Variants in PDLIM5 observed in about 807,000 individuals in gnomAD.
PDLIM5 encodes PDZ and LIM domain protein 5.
A neutral mutation model predicts 64.2 loss-of-function variants in PDLIM5; 34 were observed. That is an observed-to-expected ratio of 0.53 (90% CI 0.40 to 0.71). PDLIM5 has a LOEUF of 0.71. PDLIM5 is among the 30% of genes least tolerant of loss of function. The pLI is 0.00. For synonymous variants in PDLIM5, 253 were observed against 269.1 expected, an observed-to-expected ratio of 0.94 and a Z score of 0.59; for missense variants, 683 against 733.6, an observed-to-expected ratio of 0.93 and a Z score of 0.80.
Position 94,558,795 on chromosome 4 carries a change from C to G in PDLIM5, c.249-14556C>G, listed in dbSNP as rs1485231364. ...CTATTCCATTTTTCTGTAAAATGAA[C>G]TGTCATGATCTCTTTTGTGTGTGTG... On this transcript the variant is annotated intron_variant, in intron 3 of 12. Coordinates refer to ENST00000317968, the MANE Select transcript of PDLIM5 (RefSeq NM_006457.5). 2.0e-5 allele frequency among the ~76,000 whole-genome samples: 3 copies of G among 151,306 alleles called. 1 individual carries two copies. Among genetic ancestry groups the G allele is most frequent in the African/African-American group, 7.3e-5 (3 of 41,136 alleles).
chr4:94,468,974 A>G (rs1247592707), intron 2 of PDLIM5, among the ~76,000 whole-genome samples: 1 of 152,226 alleles, frequency 6.6e-6, no homozygotes, highest in East Asian at 1.9e-4. Context: ...ATAGGAGAGG[A>G]CATAAATGTC....
chr4:94,573,088 T>G lies in PDLIM5; in HGVS notation c.249-263T>G, dbSNP rs113889486. On this transcript the variant is annotated intron_variant, in intron 3 of 12. Coordinates refer to ENST00000317968, the MANE Select transcript of PDLIM5 (RefSeq NM_006457.5). ...GGTGCACTCACAAACAGGATTGATG[T>G]TTGTCATTCCTCAGCTGAATTTGTA... Among the ~76,000 whole-genome samples the G allele has an allele frequency of 3.6e-3, 545 of 152,308 alleles. 5 individuals are homozygous for G. Among genetic ancestry groups the G allele is most frequent in the African/African-American group, 0.012 (503 of 41,564 alleles).
At chr4:94,547,037 T>A (rs1020871411) in intron 3 of PDLIM5, among the ~76,000 whole-genome samples, 1 of 152,176 alleles carries the variant, frequency 6.6e-6, no homozygotes, top group African/African-American at 2.4e-5. Context: ...CAGAACATGG[T>A]TAATTCTGAA....
chr4:94,602,717 A>G (rs1167363420), intron 7 of PDLIM5, among the ~76,000 whole-genome samples: 1 of 151,978 alleles, frequency 6.6e-6, no homozygotes, highest in East Asian at 1.9e-4. Flanking sequence ...TGGCCTCCCA[A>G]AGTGCTGGGA....
chr4:94,459,798 G>A (rs998708168), intron 2 of PDLIM5, among the ~76,000 whole-genome samples: 4 of 152,210 alleles, frequency 2.6e-5, no homozygotes, highest in African/African-American at 4.8e-5. Flanking sequence ...GATCCTCAAA[G>A]GATGAAATTT....
At chr4:94,574,927 C>T (rs1443527070) in intron 4 of PDLIM5, among the ~76,000 whole-genome samples, 1 of 150,554 alleles carries the variant, frequency 6.6e-6, no homozygotes, top group Non-Finnish European at 1.5e-5. Context: ...TATCTTAAAA[C>T]ATTCAGAGAG....
chr4:94,573,015 T>C (rs370969790), intron 3 of PDLIM5, among the ~76,000 whole-genome samples: 5 of 152,290 alleles, frequency 3.3e-5, no homozygotes, highest in African/African-American at 9.6e-5. Flanking sequence ...GTCATGTTTA[T>C]TATACTTTAC....
intron 9 of PDLIM5, among the ~76,000 whole-genome samples, chr4:94,650,826 C>A (rs538124576): frequency 2.6e-5 from 4 of 151,908 alleles, no homozygotes; most frequent in East Asian, 1.9e-4. Context: ...ACATGCCCCG[C>A]CTTTTTGGAT....
chr4:94,547,752 C>A (rs1253801917), intron 3 of PDLIM5, among the ~76,000 whole-genome samples: 1 of 152,186 alleles, frequency 6.6e-6, no homozygotes, highest in Non-Finnish European at 1.5e-5. Context: ...TTTATTACCA[C>A]CTGTTTGCCA....
chr4:94,500,554 A>T (rs987352075), intron 2 of PDLIM5, among the ~76,000 whole-genome samples: 2 of 152,198 alleles, frequency 1.3e-5, no homozygotes, highest in Non-Finnish European at 2.9e-5. Context: ...GAAAAGGGGC[A>T]GAAAAGGTGT....
intron 2 of PDLIM5, among the ~76,000 whole-genome samples, chr4:94,515,067 A>T (rs1729243293): frequency 6.6e-6 from 1 of 152,176 alleles, no homozygotes; most frequent in African/African-American, 2.4e-5. Context: ...AATACCTTTG[A>T]TTTGCAGTGT....
At chr4:94,549,365 T>C (rs1210325329) in intron 3 of PDLIM5, among the ~76,000 whole-genome samples, 2 of 152,186 alleles carry the variant, frequency 1.3e-5, no homozygotes, top group African/African-American at 2.4e-5. Flanking sequence ...AGGCCTTCGA[T>C]AGGACGTCTG....
chr4:94,485,849 C>CAAAAAAAAAA (rs10637280), intron 2 of PDLIM5, among the ~76,000 whole-genome samples: 1 of 100,246 alleles, frequency 1.0e-5, no homozygotes, highest in African/African-American at 3.8e-5. Flanking sequence ...GACTCCGTCT[C>CAAAAAAAAAA]AAAAAAAAAA....
intron 2 of PDLIM5, among the ~76,000 whole-genome samples, chr4:94,489,266 G>T (rs547054531): frequency 6.6e-6 from 1 of 152,156 alleles, no homozygotes; most frequent in African/African-American, 2.4e-5. Flanking sequence ...GGAATACTTT[G>T]TCCCTGGTTC....
intron 2 of PDLIM5, among the ~76,000 whole-genome samples, chr4:94,470,132 A>C (rs1724732058): frequency 6.6e-6 from 1 of 151,650 alleles, no homozygotes; most frequent in African/African-American, 2.4e-5. Flanking sequence ...ACACCCGGCT[A>C]ATTTTTTGTA....
At chr4:94,574,250 C>G (rs1287713454) in intron 4 of PDLIM5, among the ~76,000 whole-genome samples, 2 of 152,246 alleles carry the variant, frequency 1.3e-5, no homozygotes, top group East Asian at 3.9e-4. Flanking sequence ...GTAATCCCAT[C>G]TTTTTGGGAG....
chr4:94,654,109 A>G (rs914784768), intron 9 of PDLIM5, among the ~76,000 whole-genome samples: 19 of 152,092 alleles, frequency 1.2e-4, no homozygotes, highest in African/African-American at 4.1e-4. Context: ...TGGTTGCCTC[A>G]TGTTCTGTCA....
At chr4:94,621,286 T>C (rs1560746579) in intron 8 of PDLIM5, among the ~76,000 whole-genome samples, 3 of 152,208 alleles carry the variant, frequency 2.0e-5, no homozygotes, top group Admixed American at 6.5e-5. Flanking sequence ...ATTTCTGGAC[T>C]ATTAACTGAC....
At chr4:94,533,034 C>G (rs145883160) in intron 3 of PDLIM5, among the ~76,000 whole-genome samples, 1 of 152,096 alleles carries the variant, frequency 6.6e-6, no homozygotes, top group Non-Finnish European at 1.5e-5. Context: ...GGGACTGTTT[C>G]GTCAACATCA....
Sources: allele counts gnomAD v4.1 joint callset (sites outside exome capture counted in the v4.1 genomes callset), GRCh38; gene constraint gnomAD v4.1.1; transcripts MANE v1.5; gene names NCBI Gene and HGNC (gene_info 2026-07-23, HGNC 2026-07-21).